Variants in PDE7B observed in about 807,000 individuals in gnomAD.
PDE7B encodes phosphodiesterase 7B, also known as 3',5'-cyclic-AMP phosphodiesterase 7B.
A neutral mutation model predicts 56.2 loss-of-function variants in PDE7B; 29 were observed. That is an observed-to-expected ratio of 0.52 (90% CI 0.38 to 0.70). The LOEUF (loss-of-function observed/expected upper bound fraction) is 0.70. Ranked by LOEUF, PDE7B falls within the 30% of genes least tolerant of loss-of-function variation. PDE7B has a pLI of 0.00. For missense variants in PDE7B, 490 were observed against 565.0 expected (o/e 0.87, Z 1.35); for synonymous variants, 197 against 196.9 (o/e 1.00, Z 0.00).
chr6:136,112,126 G>C (rs1408564635), intron 3 of PDE7B, among the ~76,000 whole-genome samples: 2 of 152,014 alleles, frequency 1.3e-5, no homozygotes, highest in African/African-American at 4.8e-5. Flanking sequence ...GAGCACGCAA[G>C]AGCAGAAATG....
At chr6:135,963,976 T>C (rs1480798251) in intron 2 of PDE7B, among the ~76,000 whole-genome samples, 1 of 152,196 alleles carries the variant, frequency 6.6e-6, no homozygotes, top group African/African-American at 2.4e-5. Flanking sequence ...TGTAGAACTT[T>C]CCCGAGGACA....
rs146415754 is a variant in PDE7B at position 135,890,342 on chromosome 6, T to G, written c.21+38323T>G. Among the ~76,000 whole-genome samples, 5 of 152,358 alleles carry G rather than the reference T, an allele frequency of 3.3e-5. No individual in the cohort carries two copies. In the East Asian group the frequency reaches 9.6e-4, roughly 29 times the overall value. ...TATCAGACAGGTTCTAGATATTTCC[T>G]ATGGTACTTAGAGCCACATGCAGAT... On this transcript the variant is annotated intron_variant, in intron 1 of 12. Transcript: ENST00000308191.
intron 2 of PDE7B, among the ~76,000 whole-genome samples, chr6:136,061,810 ACT>A (rs1377557877): frequency 6.6e-6 from 1 of 152,110 alleles, no homozygotes; most frequent in African/African-American, 2.4e-5. Flanking sequence ...TGAGAATGCA[ACT>A]CTATACCCAG....
At chr6:136,143,328 C>G (rs1156898895) in intron 3 of PDE7B, among the ~76,000 whole-genome samples, 1 of 151,476 alleles carries the variant, frequency 6.6e-6, no homozygotes, top group African/African-American at 2.4e-5. Flanking sequence ...TCAGCCCTGG[C>G]AACACAGTGA....
At position 136,008,815 on chromosome 6, in the gene PDE7B, C is replaced by T. The variant is rs374383933; in HGVS notation, c.82+61291C>T. On this transcript the variant is annotated intron_variant, in intron 2 of 12. Transcript: ENST00000308191. ...TTCACTCTGATGGTAGTTTCTTTTG[C>T]TGTGCAGAAGCTCTTTAGTTTAATT... is the stretch of plus-strand genomic sequence containing the variant. Among the ~76,000 whole-genome samples, 267 of 152,170 alleles carry T rather than the reference C, an allele frequency of 1.8e-3. 2 individuals carry two copies. The East Asian group carries it at 0.028, about 16-fold the overall frequency.
At chr6:136,152,803 A>G (rs191253139) in intron 6 of PDE7B, among the ~76,000 whole-genome samples, 313 of 152,314 alleles carry the variant, frequency 2.1e-3, no homozygotes, top group African/African-American at 7.1e-3. Context: ...GACAATAATA[A>G]TGGGAGCCAC....
In PDE7B at chr6:136,106,907, T is replaced by G. The variant is rs555843920; in HGVS notation, c.83-1824T>G. ...TACCCTCATTGATGTAAGTTTATAT[T>G]CAGACCTATAAAAGTACTTTTCCAT... On this transcript the variant is annotated intron_variant, in intron 2 of 12. Coordinates refer to ENST00000308191, the MANE Select transcript of PDE7B (RefSeq NM_018945.4). Among the ~76,000 whole-genome samples the G allele has an allele frequency of 8.5e-5, 13 of 152,360 alleles. No individual in the cohort carries two copies. The East Asian group carries it at 2.3e-3, about 27-fold the overall frequency.
intron 1 of PDE7B, among the ~76,000 whole-genome samples, chr6:135,896,978 C>A (rs1420724507): frequency 2.6e-5 from 4 of 152,168 alleles, no homozygotes; most frequent in African/African-American, 4.8e-5. Context: ...AGCACCTCCT[C>A]CTCTTTCCAG....
chr6:135,884,616 C>G (rs181843746), intron 1 of PDE7B, among the ~76,000 whole-genome samples: 3 of 152,276 alleles, frequency 2.0e-5, no homozygotes. Flanking sequence ...TTGACTATGG[C>G]ATTTAATAGC....
chr6:136,087,322 A>G (rs1030712134), intron 2 of PDE7B, among the ~76,000 whole-genome samples: 10 of 152,212 alleles, frequency 6.6e-5, no homozygotes, highest in African/African-American at 2.4e-4. Context: ...TTTGGCTAAT[A>G]AAAAATAGTA....
At chr6:135,952,412 A>T (rs924325461) in intron 2 of PDE7B, among the ~76,000 whole-genome samples, 27 of 152,278 alleles carry the variant, frequency 1.8e-4, no homozygotes, top group Non-Finnish European at 3.4e-4. Context: ...TCTAATTTTA[A>T]TTAATCGGAT....
intron 1 of PDE7B, among the ~76,000 whole-genome samples, chr6:135,852,520 G>C (rs1774959162): frequency 1.3e-5 from 2 of 152,086 alleles, no homozygotes; most frequent in African/African-American, 4.8e-5. Flanking sequence ...GGCAAGAAGG[G>C]AAGAAGCTGA....
intron 3 of PDE7B, among the ~76,000 whole-genome samples, chr6:136,136,952 T>C (rs1256574340): frequency 6.6e-6 from 1 of 152,108 alleles, no homozygotes; most frequent in Admixed American, 6.6e-5. Context: ...TTTATTCCAA[T>C]TTAATCAACA....
chr6:136,116,526 A>G (rs965508073), intron 3 of PDE7B, among the ~76,000 whole-genome samples: 5 of 152,242 alleles, frequency 3.3e-5, no homozygotes, highest in Admixed American at 1.3e-4. Context: ...CACAGATTTC[A>G]TATAAAAGAA....
intron 1 of PDE7B, among the ~76,000 whole-genome samples, chr6:135,859,698 A>G (rs971205747): frequency 1.2e-4 from 19 of 152,018 alleles, no homozygotes; most frequent in African/African-American, 4.6e-4. Flanking sequence ...GGCCCTTCTT[A>G]AACTTGACAA....
At chr6:135,886,337 A>G (rs936565680) in intron 1 of PDE7B, among the ~76,000 whole-genome samples, 1 of 151,934 alleles carries the variant, frequency 6.6e-6, no homozygotes, top group African/African-American at 2.4e-5. Context: ...TCCCTTTATC[A>G]TCTTTTTCCT....
intron 2 of PDE7B, among the ~76,000 whole-genome samples, chr6:136,045,829 A>C (rs1479588050): frequency 6.6e-6 from 1 of 151,938 alleles, no homozygotes; most frequent in African/African-American, 2.4e-5. Context: ...GAATGAACGT[A>C]AATCTTCCGT....
intron 2 of PDE7B, among the ~76,000 whole-genome samples, chr6:136,066,915 A>T (rs773660748): frequency 4.3e-4 from 65 of 151,610 alleles, no homozygotes; most frequent in Non-Finnish European, 8.5e-4. Flanking sequence ...ACAGTGGCAC[A>T]ATAGATGGTA....
At chr6:136,119,693 A>C (rs1477336914) in intron 3 of PDE7B, among the ~76,000 whole-genome samples, 2 of 152,228 alleles carry the variant, frequency 1.3e-5, no homozygotes, top group Non-Finnish European at 2.9e-5. Flanking sequence ...AAAATCATTG[A>C]GCCCAGTTTT....
Sources: gnomAD v4.1 joint callset for allele counts (sites outside exome capture counted in the v4.1 genomes callset) on GRCh38, gnomAD v4.1.1 for gene constraint, MANE v1.5 for transcripts, NCBI Gene and HGNC (gene_info 2026-07-23, HGNC 2026-07-21) for gene names.